Variants in XKR6 observed in about 807,000 individuals in gnomAD.
The protein encoded by XKR6 is XK-related protein 6.
XKR6 carries 22 observed loss-of-function variants against 56.7 expected under a neutral mutation model. The observed-to-expected ratio is 0.39, with a 90% confidence interval of 0.28 to 0.55. The LOEUF (loss-of-function observed/expected upper bound fraction) is 0.55. XKR6 is among the 20% of genes least tolerant of loss of function. XKR6 has a pLI of 0.66. For missense variants in XKR6, 852 were observed against 889.0 expected, an observed-to-expected ratio of 0.96 and a Z score of 0.53; for synonymous variants, 524 against 387.8, an observed-to-expected ratio of 1.35 and a Z score of -4.13.
chr8:11,023,775 C>G (rs1010706245), intron 1 of XKR6, among the ~76,000 whole-genome samples: 1 of 152,220 alleles, frequency 6.6e-6, no homozygotes, highest in Non-Finnish European at 1.5e-5. Context: ...CATTTCTCAC[C>G]TGCTGCGGAG....
intron 2 of XKR6, among the ~76,000 whole-genome samples, chr8:10,907,659 C>G (rs963264522): frequency 6.6e-6 from 1 of 152,180 alleles, no homozygotes; most frequent in Non-Finnish European, 1.5e-5. Flanking sequence ...ATTTTCTGAA[C>G]CACTGGGAAA....
At chr8:10,989,115 G>A (rs891586976) in intron 1 of XKR6, among the ~76,000 whole-genome samples, 1 of 152,244 alleles carries the variant, frequency 6.6e-6, no homozygotes, top group African/African-American at 2.4e-5. Flanking sequence ...CTGCAGCCTA[G>A]GAAGGGCATG....
chr8:11,165,400 C>T (rs1198081294), intron 1 of XKR6, among the ~76,000 whole-genome samples: 2 of 152,000 alleles, frequency 1.3e-5, no homozygotes, highest in Admixed American at 6.6e-5. Flanking sequence ...GCCCAGCTGG[C>T]TATCGCTATT....
intron 1 of XKR6, among the ~76,000 whole-genome samples, chr8:10,925,957 G>C (rs1313175438): frequency 6.6e-6 from 1 of 152,120 alleles, no homozygotes; most frequent in African/African-American, 2.4e-5. Context: ...ACAGTGCACA[G>C]CTCTGTGGGC....
intron 2 of XKR6, among the ~76,000 whole-genome samples, chr8:10,915,594 A>G (rs1398501342): frequency 6.6e-6 from 1 of 152,156 alleles, no homozygotes; most frequent in Non-Finnish European, 1.5e-5. Flanking sequence ...AATGGCATGC[A>G]GGTTCAAGCC....
chr8:10,932,077 AC>A (rs1801068613), intron 1 of XKR6, among the ~76,000 whole-genome samples: 1 of 152,230 alleles, frequency 6.6e-6, no homozygotes, highest in Non-Finnish European at 1.5e-5. Context: ...TAGCAAATAA[AC>A]ATGGGGAGAA....
chr8:11,102,071 T>C (rs1402332896), intron 1 of XKR6, among the ~76,000 whole-genome samples: 3 of 152,204 alleles, frequency 2.0e-5, no homozygotes, highest in African/African-American at 7.2e-5. Context: ...CAGGAGTGGC[T>C]GGAAAAGCAG....
chr8:11,132,767 G>GCACGCACACACACACA (rs1554468040), intron 1 of XKR6, among the ~76,000 whole-genome samples: 3 of 138,192 alleles, frequency 2.2e-5, no homozygotes, highest in Non-Finnish European at 4.6e-5. Context: ...ACACACGCAC[G>GCACGCACACACACACA]CACACACACA....
intron 1 of XKR6, among the ~76,000 whole-genome samples, chr8:10,947,065 G>T (rs1801573414): frequency 6.6e-6 from 1 of 152,154 alleles, no homozygotes; most frequent in Non-Finnish European, 1.5e-5. Flanking sequence ...AGGATCGGAT[G>T]ACATATCAGG....
chr8:11,076,531 G>T (rs1397930439), intron 1 of XKR6, among the ~76,000 whole-genome samples: 1 of 152,180 alleles, frequency 6.6e-6, no homozygotes, highest in Non-Finnish European at 1.5e-5. Flanking sequence ...CAGGGACTAG[G>T]TGAGAGTCTC....
intron 1 of XKR6, among the ~76,000 whole-genome samples, chr8:11,154,264 A>G (rs957156875): frequency 6.6e-6 from 1 of 152,202 alleles, no homozygotes; most frequent in East Asian, 1.9e-4. Context: ...TGGGCAATCA[A>G]TCAATCAAAC....
intron 1 of XKR6, among the ~76,000 whole-genome samples, chr8:10,991,625 C>T (rs1333452105): frequency 6.6e-6 from 1 of 152,058 alleles, no homozygotes; most frequent in East Asian, 1.9e-4. Flanking sequence ...GAAGTGTAAC[C>T]CAGGTTTAAG....
intron 1 of XKR6, among the ~76,000 whole-genome samples, chr8:11,090,516 G>C (rs966887195): frequency 6.6e-6 from 1 of 152,106 alleles, no homozygotes; most frequent in African/African-American, 2.4e-5. Flanking sequence ...GAGTAAACCA[G>C]TTTACATATT....
chr8:11,143,157 C>T (rs534895627), intron 1 of XKR6, among the ~76,000 whole-genome samples: 2 of 152,124 alleles, frequency 1.3e-5, no homozygotes, highest in South Asian at 2.1e-4. Flanking sequence ...TAAATCTAGG[C>T]ACTGAGCATC....
chr8:10,912,743 TAGAG>T (rs1238146281), intron 2 of XKR6, among the ~76,000 whole-genome samples: 14 of 144,604 alleles, frequency 9.7e-5, no homozygotes, highest in Non-Finnish European at 1.5e-4. Context: ...TGCACATATA[TAGAG>T]AGAGAGAGAC....
At chr8:11,016,800 C>T (rs1482196322) in intron 1 of XKR6, among the ~76,000 whole-genome samples, 1 of 152,244 alleles carries the variant, frequency 6.6e-6, no homozygotes, top group East Asian at 1.9e-4. Flanking sequence ...CACCACTCTT[C>T]TCTCTCGGGC....
chr8:11,085,477 T>C (rs1244233282), intron 1 of XKR6, among the ~76,000 whole-genome samples: 1 of 152,142 alleles, frequency 6.6e-6, no homozygotes, highest in Non-Finnish European at 1.5e-5. Context: ...CATGTGTGTG[T>C]GTGTGCATGT....
intron 1 of XKR6, among the ~76,000 whole-genome samples, chr8:11,153,606 A>T (rs911383788): frequency 6.6e-6 from 1 of 152,334 alleles, no homozygotes; most frequent in South Asian, 2.1e-4. Flanking sequence ...TTTTCTTTAA[A>T]TGAGTTGCAA....
chr8:11,161,811 T>G (rs1801827985), intron 1 of XKR6, among the ~76,000 whole-genome samples: 1 of 152,130 alleles, frequency 6.6e-6, no homozygotes, highest in Non-Finnish European at 1.5e-5. Context: ...CTGAAGTATA[T>G]CATCAGGTAC....
Sources: allele counts gnomAD v4.1 joint callset (sites outside exome capture counted in the v4.1 genomes callset), GRCh38; gene constraint gnomAD v4.1.1; transcripts MANE v1.5; gene names NCBI Gene and HGNC (gene_info 2026-07-23, HGNC 2026-07-21).